Variants in HPSE2 observed in about 807,000 individuals in gnomAD.
The protein encoded by HPSE2 is heparanase 2 (inactive).
A neutral mutation model predicts 60.5 loss-of-function variants in HPSE2; 38 were observed. That is an observed-to-expected ratio of 0.63 (90% CI 0.48 to 0.82). HPSE2 has a LOEUF of 0.82. Among genes scored for constraint, HPSE2 ranks in the 40% least tolerant of loss-of-function variants. The pLI, the probability that HPSE2 is intolerant of heterozygous loss-of-function variation, is 0.00. For missense variants in HPSE2, 713 were observed against 740.4 expected, an observed-to-expected ratio of 0.96 and a Z score of 0.43; for synonymous variants, 295 against 293.2, an observed-to-expected ratio of 1.01 and a Z score of -0.06.
chr10:98,884,058 C>T (rs1476813818), intron 3 of HPSE2, among the ~76,000 whole-genome samples: 1 of 152,070 alleles, frequency 6.6e-6, no homozygotes, highest in African/African-American at 2.4e-5. Flanking sequence ...GAAAGCTCAA[C>T]AACCTTATTA....
intron 7 of HPSE2, among the ~76,000 whole-genome samples, chr10:98,633,095 T>C (rs1373847212): frequency 6.6e-6 from 1 of 152,160 alleles, no homozygotes; most frequent in Admixed American, 6.5e-5. Flanking sequence ...TCCTACTCAA[T>C]GTGAAGACAA....
At chr10:98,818,316 T>C (rs943637812) in intron 3 of HPSE2, among the ~76,000 whole-genome samples, 1 of 152,124 alleles carries the variant, frequency 6.6e-6, no homozygotes, top group Non-Finnish European at 1.5e-5. Context: ...TGGGGGATGA[T>C]GAAATTGTTC....
the HPSE2 span, among the ~76,000 whole-genome samples, chr10:99,285,110 G>GTTTTAAATGGCCCATTTAAATT: frequency 4.0e-5 from 6 of 151,822 alleles, no homozygotes; most frequent in African/African-American, 9.7e-5. Flanking sequence ...TTTTAAATGG[G>GTTTTAAATGGCCCATTTAAATT]TTTTAAATGG....
At chr10:99,099,475 A>C (rs1490546254) in intron 3 of HPSE2, among the ~76,000 whole-genome samples, 2 of 152,230 alleles carry the variant, frequency 1.3e-5, no homozygotes, top group African/African-American at 4.8e-5. Context: ...AGGCTTGGGT[A>C]GGTAAACAAA....
At chr10:98,860,040 A>G (rs1241286878) in intron 3 of HPSE2, among the ~76,000 whole-genome samples, 1 of 152,214 alleles carries the variant, frequency 6.6e-6, no homozygotes, top group Non-Finnish European at 1.5e-5. Flanking sequence ...GTATATAAGT[A>G]TAAGAGAAAA....
At chr10:99,069,539 T>C (rs1488940683) in intron 3 of HPSE2, among the ~76,000 whole-genome samples, 1 of 151,490 alleles carries the variant, frequency 6.6e-6, no homozygotes, top group Non-Finnish European at 1.5e-5. Context: ...TTAAAGAATA[T>C]AATACAAAAA....
intron 9 of HPSE2, among the ~76,000 whole-genome samples, chr10:98,574,222 A>G (rs186032323): frequency 3.9e-4 from 60 of 152,316 alleles, no homozygotes; most frequent in African/African-American, 1.4e-3. Context: ...GTGTATGACA[A>G]AAGGAGAGTT....
At chr10:99,019,480 C>T (rs904520727) in intron 3 of HPSE2, among the ~76,000 whole-genome samples, 14 of 152,280 alleles carry the variant, frequency 9.2e-5, no homozygotes, top group African/African-American at 3.4e-4. Flanking sequence ...CTGATTGACA[C>T]TAAATAGTCC....
rs1051986434 is a variant in HPSE2 at position 98,537,858 on chromosome 10, G to A, written c.1321-47662C>T. 5.9e-5 allele frequency among the ~76,000 whole-genome samples: 9 copies of A among 152,354 alleles called. No homozygotes were observed. The East Asian group carries it at 1.5e-3, about 26-fold the overall frequency. ...TGCGGTGCTGTGCTTCAGTGGTCAC[G>A]CTCCTTGTCCACTTTCATGTTCCTC... On this transcript the variant is annotated intron_variant, in intron 9 of 11. Coordinates refer to ENST00000370552, the MANE Select transcript of HPSE2 (RefSeq NM_021828.5).
chr10:98,771,759 C>T (rs1950245558), intron 3 of HPSE2, among the ~76,000 whole-genome samples: 6 of 152,032 alleles, frequency 3.9e-5, no homozygotes, highest in Admixed American at 3.9e-4. Flanking sequence ...GGCATGGATC[C>T]CAGTGGATGG....
chr10:99,082,790 G>A (rs181392469), intron 3 of HPSE2, among the ~76,000 whole-genome samples: 423 of 152,128 alleles, frequency 2.8e-3, no homozygotes, highest in Non-Finnish European at 4.8e-3. Flanking sequence ...CCCTATTTTC[G>A]AGGAGTCTTG....
At chr10:98,512,353 G>A (rs1343284697) in intron 9 of HPSE2, among the ~76,000 whole-genome samples, 5 of 152,150 alleles carry the variant, frequency 3.3e-5, no homozygotes, top group East Asian at 3.9e-4. Flanking sequence ...AGGCCGAGGC[G>A]GGCGGATCAC....
intron 3 of HPSE2, among the ~76,000 whole-genome samples, chr10:99,142,261 T>G (rs1845890914): frequency 6.6e-6 from 1 of 152,208 alleles, no homozygotes; most frequent in South Asian, 2.1e-4. Context: ...TTAGTTATGT[T>G]TAAATATTAT....
chr10:99,023,694 C>T (rs1957315253), intron 3 of HPSE2, among the ~76,000 whole-genome samples: 1 of 152,240 alleles, frequency 6.6e-6, no homozygotes, highest in Non-Finnish European at 1.5e-5. Context: ...ACAAGAGTCT[C>T]TGCCTGATAA....
intron 8 of HPSE2, among the ~76,000 whole-genome samples, chr10:98,619,404 T>C (rs1565021002): frequency 6.6e-6 from 1 of 152,160 alleles, no homozygotes; most frequent in Non-Finnish European, 1.5e-5. Context: ...TTCAAATTCA[T>C]TTTCCCATTC....
At chr10:98,670,519 T>C (rs919292694) in intron 6 of HPSE2, among the ~76,000 whole-genome samples, 3 of 152,208 alleles carry the variant, frequency 2.0e-5, no homozygotes, top group Non-Finnish European at 2.9e-5. Flanking sequence ...AATGCTCCAG[T>C]TGAGGGAAGA....
At chr10:98,818,182 G>C (rs1194060638) in intron 3 of HPSE2, among the ~76,000 whole-genome samples, 1 of 152,160 alleles carries the variant, frequency 6.6e-6, no homozygotes, top group Non-Finnish European at 1.5e-5. Context: ...ATGCCCATCA[G>C]AGAACATCAG....
chr10:99,105,431 AT>A (rs74537909), intron 3 of HPSE2, among the ~76,000 whole-genome samples: 6,471 of 134,488 alleles, frequency 0.048, 189 homozygotes, highest in Non-Finnish European at 0.069. Context: ...TAATCAGGTT[AT>A]TTTTTTTTTC....
At chr10:98,470,827 C>T (rs954177912) in intron 11 of HPSE2, among the ~76,000 whole-genome samples, 7 of 122,834 alleles carry the variant, frequency 5.7e-5, no homozygotes, top group African/African-American at 2.8e-4. Flanking sequence ...CCTTAATGGA[C>T]AGCTACGCAG....
Sources: gnomAD v4.1 joint callset for allele counts (sites outside exome capture counted in the v4.1 genomes callset) on GRCh38, gnomAD v4.1.1 for gene constraint, MANE v1.5 for transcripts, NCBI Gene and HGNC (gene_info 2026-07-23, HGNC 2026-07-21) for gene names.